VRK2: variants seen among roughly 807,000 people sequenced by gnomAD.
The protein encoded by VRK2 is VRK serine/threonine kinase 2.
VRK2 carries 60 observed loss-of-function variants against 57.6 expected under a neutral mutation model. The ratio of observed to expected loss-of-function variants is 1.04; its 90% CI spans 0.85 to 1.29. The LOEUF (loss-of-function observed/expected upper bound fraction) is 1.29. VRK2 is among the 50% of genes most tolerant of loss of function. The probability of loss-of-function intolerance (pLI) is 0.00; values close to 1 mark genes in which losing one functional copy is unlikely to be tolerated. For missense variants in VRK2, 705 were observed against 588.1 expected, an observed-to-expected ratio of 1.20 and a Z score of -2.06; for synonymous variants, 231 against 199.2, an observed-to-expected ratio of 1.16 and a Z score of -1.35.
intron 11 of VRK2, among the ~76,000 whole-genome samples, chr2:58,141,673 A>G (rs1231614542): frequency 2.0e-5 from 3 of 152,014 alleles, no homozygotes; most frequent in Non-Finnish European, 4.4e-5. Flanking sequence ...TAATAATGAT[A>G]GCATAAGATA....
intron 2 of VRK2, chr2:58,058,591 GAA>G: frequency 3.6e-6 from 1 of 275,480 alleles, no homozygotes. Context: ...AAGAATGAAA[GAA>G]GAGTCTGGTA....
intron 1 of VRK2, among the ~76,000 whole-genome samples, chr2:57,990,854 TACACACACACACAC>T (rs34097486): frequency 4.7e-5 from 7 of 148,676 alleles, no homozygotes; most frequent in African/African-American, 9.9e-5. Flanking sequence ...CACACAGACA[TACACACACACACAC>T]ACACACACAC....
rs1056047438 is a variant in VRK2 at position 57,976,630 on chromosome 2, C to T, written c.-438-49035C>T. On this transcript the variant is annotated intron_variant, in intron 1 of 15. Coordinates refer to the VRK2 transcript ENST00000417641. ...GTTTCTGGATATTAGATCTTTGTCG[C>T]ATTCATAATTTGCAAATATATTCTT... is the stretch of plus-strand genomic sequence containing the variant. 1.1e-4 allele frequency among the ~76,000 whole-genome samples: 17 copies of T among 152,060 alleles called. No homozygotes were observed. The East Asian group carries it at 2.9e-3, about 26-fold the overall frequency.
chr2:58,158,069 C>T (rs990468628), intron 12 of VRK2, among the ~76,000 whole-genome samples: 2 of 152,178 alleles, frequency 1.3e-5, no homozygotes, highest in African/African-American at 4.8e-5. Context: ...GTATAGATTA[C>T]ACAGTAGATG....
intron 1 of VRK2, among the ~76,000 whole-genome samples, chr2:57,917,428 G>A (rs1172979351): frequency 1.3e-5 from 2 of 151,250 alleles, no homozygotes; most frequent in East Asian, 1.9e-4. Flanking sequence ...ATATCTCTGA[G>A]TCCTAATATA....
chr2:57,927,693 A>C (rs988018432), intron 1 of VRK2, among the ~76,000 whole-genome samples: 3 of 150,768 alleles, frequency 2.0e-5, no homozygotes, highest in Non-Finnish European at 4.4e-5. Context: ...AGATTAAAAA[A>C]CTCCCTTTAG....
rs10679276 is a variant in VRK2 at position 57,909,477 on chromosome 2, T to TGTGTG, written c.-439+1638_-439+1639insGTGTG. Among the ~76,000 whole-genome samples the TGTGTG allele has an allele frequency of 1.0e-3, 156 of 150,180 alleles. 1 individual carries two copies. The highest frequency in any genetic ancestry group is 5.5e-3 in the Admixed American group (82 of 15,036). The stretch of plus-strand genomic sequence containing the variant: ...GCCTGAGTGTATGTGTGTGTGTGTG[T>TGTGTG]TTTTTTTTTAGTTCTCAAAAGGAGA... On this transcript the variant is annotated intron_variant, in intron 1 of 15. Transcript: ENST00000417641.
chr2:57,977,694 T>C (rs1446676448), intron 1 of VRK2, among the ~76,000 whole-genome samples: 1 of 151,328 alleles, frequency 6.6e-6, no homozygotes, highest in Non-Finnish European at 1.5e-5. Flanking sequence ...CTCTTCCTAT[T>C]TGAATGCCTT....
At chr2:57,939,201 CTTTA>C (rs1433050336) in intron 1 of VRK2, among the ~76,000 whole-genome samples, 1 of 152,196 alleles carries the variant, frequency 6.6e-6, no homozygotes, top group East Asian at 1.9e-4. Flanking sequence ...CTTTACACCA[CTTTA>C]TTTAAGCCTC....
At chr2:58,130,519 G>A (rs374396854) in intron 8 of VRK2, among the ~76,000 whole-genome samples, 5 of 152,284 alleles carry the variant, frequency 3.3e-5, no homozygotes, top group South Asian at 2.1e-4. Context: ...AATCCAATAC[G>A]CTAATAGCAG....
intron 1 of VRK2, chr2:58,047,430 C>T: frequency 1.0e-6 from 1 of 985,402 alleles, no homozygotes; most frequent in Non-Finnish European, 1.2e-6. Flanking sequence ...GAGAGGCTGT[C>T]GTTTCCCTTG....
chr2:58,151,485 G>C (rs1683017858), intron 12 of VRK2, among the ~76,000 whole-genome samples: 1 of 151,368 alleles, frequency 6.6e-6, no homozygotes, highest in African/African-American at 2.4e-5. Flanking sequence ...TTTGTAACTA[G>C]CATATAGTTG....
chr2:57,997,875 G>A (rs919801106), intron 1 of VRK2, among the ~76,000 whole-genome samples: 7 of 150,046 alleles, frequency 4.7e-5, no homozygotes, highest in African/African-American at 1.7e-4. Flanking sequence ...CTCCAGACTG[G>A]ATGACAGAGG....
chr2:58,021,478 G>A (rs767386714), intron 1 of VRK2, among the ~76,000 whole-genome samples: 12 of 152,010 alleles, frequency 7.9e-5, no homozygotes, highest in Admixed American at 3.9e-4. Context: ...CGTATGCTTG[G>A]ACTAAATATT....
In VRK2 at chr2:58,008,425, T is replaced by A. The variant is rs1393778748; in HGVS notation, c.-438-17240T>A. Among the ~76,000 whole-genome samples, 3 of 152,060 alleles carry A rather than the reference T, an allele frequency of 2.0e-5. No individual in the cohort carries two copies. The East Asian group carries it at 5.8e-4, about 29-fold the overall frequency. The stretch of plus-strand genomic sequence containing the variant: ...CAAAGGAAAACAGACAAATCCACAA[T>A]AATAGCTACTGTTTATTTAACAGTA... On this transcript the variant is annotated intron_variant, in intron 1 of 15. Coordinates refer to the VRK2 transcript ENST00000417641.
At chr2:57,930,440 T>C (rs561483645) in intron 1 of VRK2, among the ~76,000 whole-genome samples, 19 of 152,182 alleles carry the variant, frequency 1.2e-4, no homozygotes, top group African/African-American at 2.2e-4. Flanking sequence ...TGCCAGGGGA[T>C]TGGGGAGGGG....
chr2:58,149,397 C>G (rs1003191000), intron 12 of VRK2, among the ~76,000 whole-genome samples: 1 of 151,654 alleles, frequency 6.6e-6, no homozygotes, highest in Admixed American at 6.6e-5. Context: ...TGGGATCTTT[C>G]TAAATGTACT....
At chr2:58,035,717 T>C (rs1432873251) in intron 3 of VRK2, among the ~76,000 whole-genome samples, 4 of 152,020 alleles carry the variant, frequency 2.6e-5, no homozygotes, top group Non-Finnish European at 5.9e-5. Flanking sequence ...CTATATAATT[T>C]GGAAGGAGAG....
At chr2:58,052,418 ACTT>A (rs983598616) in intron 2 of VRK2, among the ~76,000 whole-genome samples, 2 of 152,120 alleles carry the variant, frequency 1.3e-5, no homozygotes, top group African/African-American at 4.8e-5. Context: ...AGCCTGGGCA[ACTT>A]GGTGAAACCC....
Sources: allele counts gnomAD v4.1 joint callset (sites outside exome capture counted in the v4.1 genomes callset), GRCh38; gene constraint gnomAD v4.1.1; transcripts MANE v1.5; gene names NCBI Gene and HGNC (gene_info 2026-07-23, HGNC 2026-07-21).